GLIS3: variants seen among roughly 807,000 people sequenced by gnomAD.
The protein encoded by GLIS3 is zinc finger protein GLIS3.
GLIS3 carries 53 observed loss-of-function variants against 78.6 expected under a neutral mutation model. The ratio of observed to expected loss-of-function variants is 0.67; its 90% CI spans 0.54 to 0.85. The LOEUF is 0.85. Ranked by LOEUF, GLIS3 falls within the 40% of genes least tolerant of loss-of-function variation. The pLI is 0.00. For synonymous variants in GLIS3, 684 were observed against 509.9 expected (o/e 1.34, Z -4.60); for missense variants, 1,703 against 1,231.1 (o/e 1.38, Z -5.74).
At chr9:3,911,321 T>G (rs1824135376) in intron 6 of GLIS3, among the ~76,000 whole-genome samples, 1 of 152,252 alleles carries the variant, frequency 6.6e-6, no homozygotes, top group African/African-American at 2.4e-5. Flanking sequence ...TTACGCTCTT[T>G]GTTTCTGATG....
intron 4 of GLIS3, among the ~76,000 whole-genome samples, chr9:4,018,601 C>T (rs957414201): frequency 3.3e-5 from 5 of 152,046 alleles, no homozygotes; most frequent in African/African-American, 1.2e-4. Flanking sequence ...GGAAAAGCTG[C>T]GGAGGGTGAC....
chr9:4,316,508 G>A (rs1440471391), intron 2 of GLIS3, among the ~76,000 whole-genome samples: 1 of 152,150 alleles, frequency 6.6e-6, no homozygotes, highest in Non-Finnish European at 1.5e-5. Context: ...TCAGTTCCTG[G>A]CCAGATTCAC....
In GLIS3 at chr9:3,879,414, C is replaced by T. The variant is rs777300004; in HGVS notation, c.2297+13G>A. 6.2e-7 allele frequency: 1 copy of T among 1,613,434 alleles called. No homozygotes were observed. The highest frequency in any genetic ancestry group is 8.5e-7 in the Non-Finnish European group (1 of 1,179,604). On this transcript the variant is annotated intron_variant, in intron 8 of 10. Coordinates refer to ENST00000381971, the MANE Select transcript of GLIS3 (RefSeq NM_001042413.2). ...GGCGACACCTATTAGGAGAGAGAGACAGATGGCCTTACCTCTCAGCTCCTG... is the reference window on the plus strand; with the variant it reads ...GGCGACACCTATTAGGAGAGAGAGATAGATGGCCTTACCTCTCAGCTCCTG...
In GLIS3 at chr9:3,829,490, A is replaced by G. The variant is rs778096802; in HGVS notation, c.2476T>C (p.Phe826Leu). The part of the protein sequence containing the change: ...FQPNGIHVHG[F>L]YGQLQKFCPP... Reference sequence around the variant, plus strand: ...CAGAACTTCTGCAGCTGCCCATAAAATCCTGAAACGCAAGCATGGCATTGA... The same window carrying G: ...CAGAACTTCTGCAGCTGCCCATAAAGTCCTGAAACGCAAGCATGGCATTGA... The change falls in exon 10 of 11, where the codon TTT (phenylalanine) becomes CTT (leucine). Residue 826 changes from phenylalanine (F) to leucine (L), a missense_variant and splice_region_variant. Phe to Leu is a conservative substitution (Grantham distance 22, BLOSUM62 0). Transcript: ENST00000381971. The G allele has an allele frequency of 6.2e-7, 1 of 1,613,938 alleles. No individual in the cohort carries two copies. Among genetic ancestry groups the G allele is most frequent in the Non-Finnish European group, 8.5e-7 (1 of 1,179,954 alleles).
chr9:4,285,076 C>G lies in GLIS3; in HGVS notation c.388+962G>C, dbSNP rs1423409926. Among the ~76,000 whole-genome samples, 4 of 152,268 alleles carry G rather than the reference C, an allele frequency of 2.6e-5. No individual in the cohort carries two copies. In the East Asian group the frequency reaches 7.7e-4, roughly 29 times the overall value. ...AGAAATCATTATTCACCTTAATTAA[C>G]TGAATGACTGGCTATTCTGAAGGTT... On this transcript the variant is annotated intron_variant, in intron 2 of 10. Coordinates refer to ENST00000381971, the MANE Select transcript of GLIS3 (RefSeq NM_001042413.2).
chr9:4,084,201 C>G (rs1407629292), intron 4 of GLIS3, among the ~76,000 whole-genome samples: 1 of 151,500 alleles, frequency 6.6e-6, no homozygotes, highest in African/African-American at 2.4e-5. Flanking sequence ...AAACCAACAG[C>G]AGAGTGATAT....
chr9:4,335,945 G>C (rs972928494), intron 2 of GLIS3, among the ~76,000 whole-genome samples: 2 of 152,286 alleles, frequency 1.3e-5, no homozygotes, highest in African/African-American at 4.8e-5. Context: ...GCGGACTTCG[G>C]TAAATTTACT....
the GLIS3 span, among the ~76,000 whole-genome samples, chr9:4,419,445 G>A: frequency 2.0e-5 from 3 of 152,138 alleles, no homozygotes; most frequent in African/African-American, 7.2e-5. Context: ...AAGGCGGAAG[G>A]CAAAGTGGGA....
At chr9:4,228,035 A>G (rs1160772815) in intron 2 of GLIS3, among the ~76,000 whole-genome samples, 2 of 152,204 alleles carry the variant, frequency 1.3e-5, no homozygotes, top group Admixed American at 1.3e-4. Flanking sequence ...TCCTCAAACC[A>G]GGAGAATTTC....
In GLIS3 at chr9:3,825,295, A is replaced by T. The variant is rs1176539330; in HGVS notation, c.*2977T>A. On this transcript the variant is annotated 3_prime_UTR_variant, in exon 11 of 11. Transcript: ENST00000381971. ...ATTTGAGGGCGACATGGGTAATGGG[A>T]GATACCCCACAGGACCTGTAAATAT... 2 of 152,108 alleles carry T rather than the reference A, an allele frequency of 1.3e-5. No homozygotes were observed. The highest frequency in any genetic ancestry group is 2.9e-5 in the Non-Finnish European group (2 of 68,020). The allele number at this position is 152,108 out of a possible 1,614,324, so 9.4% of individuals were successfully genotyped here. A position where few individuals can be genotyped will look rare whatever the true frequency, so the allele number is the denominator to read the frequency against.
intron 4 of GLIS3, among the ~76,000 whole-genome samples, chr9:4,050,786 C>G (rs1248900187): frequency 6.6e-6 from 1 of 152,080 alleles, no homozygotes; most frequent in Admixed American, 6.5e-5. Context: ...CTGAAAGTCA[C>G]TGGCATCACT....
At chr9:4,244,833 C>T (rs987766458) in intron 2 of GLIS3, among the ~76,000 whole-genome samples, 13 of 152,244 alleles carry the variant, frequency 8.5e-5, no homozygotes, top group African/African-American at 3.1e-4. Context: ...GCCTCAGCCT[C>T]CCAAAATGCT....
chr9:4,428,191 T>C, the GLIS3 span, among the ~76,000 whole-genome samples: 1 of 151,142 alleles, frequency 6.6e-6, no homozygotes, highest in African/African-American at 2.4e-5. Flanking sequence ...ATAATAATAA[T>C]AATAAGGCCA....
intron 4 of GLIS3, among the ~76,000 whole-genome samples, chr9:4,001,323 A>G (rs1821110922): frequency 6.6e-6 from 1 of 152,226 alleles, no homozygotes; most frequent in African/African-American, 2.4e-5. Flanking sequence ...TAAGGCTATA[A>G]ATTGTATATG....
At chr9:3,907,600 C>CACACACACACACACACA (rs1563836806) in intron 6 of GLIS3, among the ~76,000 whole-genome samples, 2 of 120,284 alleles carry the variant, frequency 1.7e-5, no homozygotes, top group Admixed American at 8.9e-5. Flanking sequence ...ATCCTCCACC[C>CACACACACACACACACA]CCCAAACACA....
intron 2 of GLIS3, among the ~76,000 whole-genome samples, chr9:4,189,633 C>G: frequency 6.6e-6 from 1 of 152,142 alleles, no homozygotes; most frequent in Non-Finnish European, 1.5e-5. Context: ...GAGTCTAAGT[C>G]TCTTTGTAGG....
At chr9:4,486,148 A>G in the GLIS3 span, among the ~76,000 whole-genome samples, 2 of 152,188 alleles carry the variant, frequency 1.3e-5, no homozygotes, top group Non-Finnish European at 2.9e-5. Flanking sequence ...ACAAGTATGC[A>G]CTATAGGAGC....
intron 2 of GLIS3, among the ~76,000 whole-genome samples, chr9:4,163,235 T>C (rs1403919443): frequency 7.1e-6 from 1 of 141,018 alleles, no homozygotes; most frequent in Non-Finnish European, 1.5e-5. Flanking sequence ...TGTGCACGCA[T>C]GTGCACTGGC....
chr9:4,089,937 A>G lies in GLIS3; in HGVS notation c.1710+27831T>C, dbSNP rs1357342732. 2.6e-5 allele frequency among the ~76,000 whole-genome samples: 4 copies of G among 152,230 alleles called. No individual in the cohort carries two copies. The East Asian group carries it at 7.7e-4, about 29-fold the overall frequency. On this transcript the variant is annotated intron_variant, in intron 4 of 10. Transcript: ENST00000381971. ...TAAAGAGGAGTATTTATTTTTGTTC[A>G]GACAAAGTGGTGCCTCCCACTGTGT...
Sources: allele counts gnomAD v4.1 joint callset (sites outside exome capture counted in the v4.1 genomes callset), GRCh38; gene constraint gnomAD v4.1.1; transcripts MANE v1.5; gene names NCBI Gene and HGNC (gene_info 2026-07-23, HGNC 2026-07-21).